Variants in GABPB1 observed in about 807,000 individuals in gnomAD.
The protein encoded by GABPB1 is GA-binding protein subunit beta-1.
In GABPB1, 15 loss-of-function variants were observed where a neutral mutation model predicts 45.9. The ratio of observed to expected loss-of-function variants is 0.33; its 90% CI spans 0.22 to 0.50. The LOEUF is 0.50. GABPB1 is among the 20% of genes least tolerant of loss of function. The probability of loss-of-function intolerance (pLI) is 0.98; values close to 1 mark genes in which losing one functional copy is unlikely to be tolerated. For synonymous variants in GABPB1, 143 were observed against 154.4 expected (o/e 0.93, Z 0.55); for missense variants, 252 against 457.5 (o/e 0.55, Z 4.10).
At chr15:50,303,619 T>C (rs7164377) in intron 3 of GABPB1, among the ~76,000 whole-genome samples, 28,346 of 150,622 alleles carry the variant, frequency 0.19, 2,835 homozygotes, top group African/African-American at 0.23. Context: ...GAGGTGGAGG[T>C]TGCAGTGAGC....
intron 1 of GABPB1, among the ~76,000 whole-genome samples, chr15:50,319,178 TG>T (rs1172382629): frequency 6.6e-6 from 1 of 152,144 alleles, no homozygotes; most frequent in African/African-American, 2.4e-5. Flanking sequence ...AAGAGGGTTC[TG>T]GGGTGGGAAG....
At chr15:50,296,407 T>C (rs2046512517) in intron 6 of GABPB1, among the ~76,000 whole-genome samples, 1 of 152,228 alleles carries the variant, frequency 6.6e-6, no homozygotes, top group Admixed American at 6.5e-5. Flanking sequence ...AGCGACGCTC[T>C]TGCTTAAAAT....
chr15:50,336,638 A>G (rs940535401), intron 1 of GABPB1, among the ~76,000 whole-genome samples: 4 of 151,086 alleles, frequency 2.6e-5, no homozygotes, highest in African/African-American at 9.7e-5. Context: ...AGCCATGTTC[A>G]TGCCACTGCA....
At chr15:50,330,711 AC>A (rs1054006621) in intron 1 of GABPB1, among the ~76,000 whole-genome samples, 25 of 152,328 alleles carry the variant, frequency 1.6e-4, no homozygotes, top group Admixed American at 9.2e-4. Context: ...CTTTTCTCCA[AC>A]AAAACTTTCT....
chr15:50,282,562 A>AG, intron 8 of GABPB1, among the ~76,000 whole-genome samples: 1 of 148,216 alleles, frequency 6.7e-6, no homozygotes, highest in African/African-American at 2.5e-5. Flanking sequence ...TTAAAAAAGA[A>AG]AAAAAAAAAA....
At chr15:50,299,403 T>C (rs946171903) in intron 6 of GABPB1, among the ~76,000 whole-genome samples, 2 of 152,234 alleles carry the variant, frequency 1.3e-5, no homozygotes, top group South Asian at 2.1e-4. Flanking sequence ...CAGGTAACCC[T>C]TTCATTTCTT....
intron 6 of GABPB1, among the ~76,000 whole-genome samples, chr15:50,291,666 T>C: frequency 6.6e-6 from 1 of 151,384 alleles, no homozygotes; most frequent in East Asian, 2.0e-4. Flanking sequence ...ATGCCTATAA[T>C]ACCAGCACTC....
At chr15:50,317,385 CA>C (rs1230416101) in intron 1 of GABPB1, among the ~76,000 whole-genome samples, 2 of 106,968 alleles carry the variant, frequency 1.9e-5, no homozygotes, top group East Asian at 2.7e-4. Context: ...GCCTGGGCAA[CA>C]AGAGCAAAAC....
At chr15:50,279,330 T>C (rs577590432) in intron 8 of GABPB1, among the ~76,000 whole-genome samples, 7 of 152,220 alleles carry the variant, frequency 4.6e-5, no homozygotes, top group Non-Finnish European at 8.8e-5. Context: ...GTTGGATTTA[T>C]AGGGTTCTAA....
intron 6 of GABPB1, among the ~76,000 whole-genome samples, chr15:50,299,763 T>A (rs1434493768): frequency 6.6e-6 from 1 of 152,156 alleles, no homozygotes; most frequent in Non-Finnish European, 1.5e-5. Flanking sequence ...TAAGATTTTA[T>A]AACACTCTAG....
At chr15:50,278,874 A>AAC in intron 8 of GABPB1, 90 bp from the exon 9 acceptor site, 1 of 1,049,614 alleles carries the variant, frequency 9.5e-7, no homozygotes, top group Non-Finnish European at 1.3e-6. Flanking sequence ...TAAAAAAAAA[A>AAC]ACCGTAGTAG....
chr15:50,338,023 T>C (rs2048208429), intron 1 of GABPB1, among the ~76,000 whole-genome samples: 1 of 152,186 alleles, frequency 6.6e-6, no homozygotes, highest in South Asian at 2.1e-4. Context: ...CTAAATTATA[T>C]AGCAAAAGCT....
At chr15:50,317,197 A>G (rs956743484) in intron 1 of GABPB1, among the ~76,000 whole-genome samples, 4 of 151,850 alleles carry the variant, frequency 2.6e-5, no homozygotes, top group Admixed American at 1.3e-4. Context: ...GGAGTTCAAG[A>G]CCAGCCTCGC....
At chr15:50,341,070 TA>T (rs1595839974) in intron 1 of GABPB1, among the ~76,000 whole-genome samples, 1 of 151,944 alleles carries the variant, frequency 6.6e-6, no homozygotes, top group Non-Finnish European at 1.5e-5. Flanking sequence ...AATTTGTATA[TA>T]TTTTTTTCTT....
intron 1 of GABPB1, chr15:50,352,413 C>CA (rs1480616089): frequency 6.6e-6 from 1 of 151,424 alleles, no homozygotes; most frequent in Non-Finnish European, 1.5e-5. Flanking sequence ...TGGCTTATTG[C>CA]AACCTTTGCC....
At chr15:50,317,060 G>C (rs1253996544) in intron 1 of GABPB1, among the ~76,000 whole-genome samples, 1 of 151,870 alleles carries the variant, frequency 6.6e-6, no homozygotes, top group African/African-American at 2.4e-5. Flanking sequence ...AACAGTTTAA[G>C]AATCAGGACT....
chr15:50,297,799 C>T (rs921435873), intron 6 of GABPB1, among the ~76,000 whole-genome samples: 1 of 152,182 alleles, frequency 6.6e-6, no homozygotes, highest in African/African-American at 2.4e-5. Context: ...CACGTCACTG[C>T]ACTCCAGCCT....
chr15:50,282,779 G>A (rs2046027427), intron 8 of GABPB1, among the ~76,000 whole-genome samples: 1 of 152,152 alleles, frequency 6.6e-6, no homozygotes, highest in African/African-American at 2.4e-5. Flanking sequence ...TTACAGCCGT[G>A]CGCAGTGGCT....
chr15:50,347,673 A>C (rs879799620), intron 1 of GABPB1: 5 of 152,120 alleles, frequency 3.3e-5, no homozygotes, highest in Non-Finnish European at 7.3e-5. Flanking sequence ...TCAGTACTGT[A>C]ATTTTACAAC....
Sources: gnomAD v4.1 joint callset for allele counts (sites outside exome capture counted in the v4.1 genomes callset) on GRCh38, gnomAD v4.1.1 for gene constraint, MANE v1.5 for transcripts, NCBI Gene and HGNC (gene_info 2026-07-23, HGNC 2026-07-21) for gene names.